The following PDE1C variants were observed in gnomAD, a reference collection of about 807,000 sequenced individuals.
PDE1C encodes the protein phosphodiesterase 1C.
In PDE1C, 62 loss-of-function variants were observed where a neutral mutation model predicts 93.1. That is an observed-to-expected ratio of 0.67 (90% CI 0.54 to 0.82). The LOEUF is 0.82. Ranked by LOEUF, PDE1C falls within the 40% of genes least tolerant of loss-of-function variation. PDE1C has a pLI of 0.00. For synonymous variants in PDE1C, 325 were observed against 310.1 expected, an observed-to-expected ratio of 1.05 and a Z score of -0.50; for missense variants, 742 against 884.6, an observed-to-expected ratio of 0.84 and a Z score of 2.04.
intron 2 of PDE1C, among the ~76,000 whole-genome samples, chr7:31,953,745 A>C (rs1259188501): frequency 6.6e-6 from 1 of 152,138 alleles, no homozygotes; most frequent in Non-Finnish European, 1.5e-5. Context: ...TGAGATCCAC[A>C]TTAACTCAAG....
intron 1 of PDE1C, among the ~76,000 whole-genome samples, chr7:32,287,542 A>C (rs1812071824): frequency 6.6e-6 from 1 of 152,266 alleles, no homozygotes; most frequent in Non-Finnish European, 1.5e-5. Context: ...CCATGTCATC[A>C]GGGCTGGCTT....
intron 1 of PDE1C, among the ~76,000 whole-genome samples, chr7:32,417,265 T>A (rs78156731): frequency 0.13 from 20,194 of 151,100 alleles, 2,490 homozygotes; most frequent in African/African-American, 0.32. Context: ...TGATTTCTTT[T>A]AGAAAGTGAT....
chr7:32,081,388 T>C (rs1796653138), intron 3 of PDE1C, among the ~76,000 whole-genome samples: 1 of 152,302 alleles, frequency 6.6e-6, no homozygotes, highest in Middle Eastern at 3.4e-3. Flanking sequence ...TTCCCTCCCC[T>C]ACCTAGGCAT....
At chr7:32,004,545 A>G (rs188054420) in intron 2 of PDE1C, among the ~76,000 whole-genome samples, 1 of 152,200 alleles carries the variant, frequency 6.6e-6, no homozygotes, top group Admixed American at 6.5e-5. Flanking sequence ...GTTACTAGAG[A>G]CTTTTTTTCC....
chr7:31,643,433 T>C, the PDE1C span: 1 of 1,614,004 alleles, frequency 6.2e-7, no homozygotes. Context: ...GGTCAGATAC[T>C]ACCTGGGACA....
At chr7:32,339,038 A>G (rs1783689805) in intron 1 of PDE1C, among the ~76,000 whole-genome samples, 1 of 151,714 alleles carries the variant, frequency 6.6e-6, no homozygotes, top group Admixed American at 6.6e-5. Context: ...ACACACACAC[A>G]CACACACACA....
chr7:32,052,322 A>G (rs1274672192), intron 1 of PDE1C: 1 of 485,674 alleles, frequency 2.1e-6, no homozygotes, highest in South Asian at 1.5e-5. Flanking sequence ...TTCTTAATCT[A>G]TCACATGAAG....
chr7:31,909,201 G>T (rs533418866), intron 2 of PDE1C, among the ~76,000 whole-genome samples: 1 of 152,144 alleles, frequency 6.6e-6, no homozygotes, highest in Admixed American at 6.6e-5. Flanking sequence ...TCAGTTCATC[G>T]GGCTCTACTC....
the PDE1C span, chr7:31,651,067 A>G: frequency 2.6e-6 from 4 of 1,510,378 alleles, no homozygotes; most frequent in South Asian, 4.0e-5. Flanking sequence ...AAATGGGAAG[A>G]CAGGCTCCAC....
At position 31,767,287 on chromosome 7, in the gene PDE1C, T is replaced by C. The variant is rs1795206112; in HGVS notation, c.1960+8377A>G. 2.6e-5 allele frequency among the ~76,000 whole-genome samples: 4 copies of C among 152,328 alleles called. No homozygotes were observed. In the South Asian group the frequency reaches 8.3e-4, roughly 32 times the overall value. ...GATCTGTGTCTCATCCCACATCTCATGTCCAGTTGTAAACTCCAATGTTGG... is the reference window on the plus strand; with the variant it reads ...GATCTGTGTCTCATCCCACATCTCACGTCCAGTTGTAAACTCCAATGTTGG... On this transcript the variant is annotated intron_variant, in intron 17 of 17. Coordinates refer to ENST00000396191, the MANE Select transcript of PDE1C (RefSeq NM_001191057.4).
chr7:31,717,783 T>C, the PDE1C span, among the ~76,000 whole-genome samples: 1 of 152,058 alleles, frequency 6.6e-6, no homozygotes, highest in East Asian at 1.9e-4. Context: ...CCTTAAAGGA[T>C]CTAGGGGTCT....
At chr7:31,942,423 C>T (rs1272006746) in intron 2 of PDE1C, among the ~76,000 whole-genome samples, 1 of 151,902 alleles carries the variant, frequency 6.6e-6, no homozygotes, top group African/African-American at 2.4e-5. Flanking sequence ...ACTTAGGACC[C>T]TCAGTAATCT....
chr7:32,015,702 T>A (rs571945522), intron 2 of PDE1C, among the ~76,000 whole-genome samples: 1 of 152,100 alleles, frequency 6.6e-6, no homozygotes, highest in African/African-American at 2.4e-5. Context: ...TTCCCAAAAA[T>A]TTTAAAGAAA....
rs566561248 is a variant in PDE1C, at chr7:32,394,397, G to A, written c.310+33425C>T. Among the ~76,000 whole-genome samples, 5 of 152,328 alleles carry A rather than the reference G, an allele frequency of 3.3e-5. No homozygotes were observed. In the East Asian group the frequency reaches 9.7e-4, roughly 29 times the overall value. On this transcript the variant is annotated intron_variant, in intron 1 of 1. Transcript: ENST00000672256. ...TCTCAGGTTGATCCTCATTTTGGAA[G>A]TGGGGCCTACTAGAAGGTGTTTGGG...
the PDE1C span, among the ~76,000 whole-genome samples, chr7:31,623,570 A>C: frequency 6.6e-6 from 1 of 151,108 alleles, no homozygotes; most frequent in Admixed American, 6.6e-5. Flanking sequence ...CATACTAAAA[A>C]CTCTCAATAA....
chr7:31,731,016 T>C, the PDE1C span, among the ~76,000 whole-genome samples: 2 of 151,678 alleles, frequency 1.3e-5, no homozygotes, highest in Non-Finnish European at 2.9e-5. Flanking sequence ...AATTTACAGA[T>C]AGGCAAATCA....
At chr7:31,635,389 CTAAAACAAACACAAGATAAA>C in the PDE1C span, among the ~76,000 whole-genome samples, 1 of 152,180 alleles carries the variant, frequency 6.6e-6, no homozygotes, top group Admixed American at 6.5e-5. Context: ...CATTTCACTT[CTAAAACAAACACAAGATAAA>C]TAAGCCTCTA....
intron 3 of PDE1C, among the ~76,000 whole-genome samples, chr7:31,880,145 A>G (rs1311764032): frequency 6.6e-6 from 1 of 152,212 alleles, no homozygotes; most frequent in African/African-American, 2.4e-5. Context: ...TAGGGGGAAA[A>G]AAAACCACAC....
At chr7:32,224,420 A>C (rs541124279) in intron 1 of PDE1C, among the ~76,000 whole-genome samples, 3 of 152,086 alleles carry the variant, frequency 2.0e-5, no homozygotes, top group Non-Finnish European at 4.4e-5. Context: ...CTAACTTGGA[A>C]TCCTGACTCC....
Sources: gnomAD v4.1 joint callset for allele counts (sites outside exome capture counted in the v4.1 genomes callset) on GRCh38, gnomAD v4.1.1 for gene constraint, MANE v1.5 for transcripts, NCBI Gene and HGNC (gene_info 2026-07-23, HGNC 2026-07-21) for gene names.